The following GHR variants were observed in gnomAD, a reference collection of about 807,000 sequenced individuals.
The protein encoded by GHR is growth hormone receptor.
In GHR, 35 loss-of-function variants were observed where a neutral mutation model predicts 67.1. The ratio of observed to expected loss-of-function variants is 0.52; its 90% confidence interval spans 0.40 to 0.69. The LOEUF is 0.69. Ranked by LOEUF, GHR falls within the 30% of genes least tolerant of loss-of-function variation. The probability of loss-of-function intolerance (pLI) is 0.00; values close to 1 mark genes in which losing one functional copy is unlikely to be tolerated. For synonymous variants in GHR, 272 were observed against 269.1 expected (o/e 1.01, Z -0.10); for missense variants, 792 against 764.6 (o/e 1.04, Z -0.42).
chr5:42,594,982 A>G lies in GHR; in HGVS notation c.70+29038A>G, dbSNP rs1751990525. On this transcript the variant is annotated intron_variant, in intron 2 of 9. Coordinates refer to ENST00000230882, the MANE Select transcript of GHR (RefSeq NM_000163.5). ...AATAGTTTAACTTTGTGAGCTCACC[A>G]ATATAATACATATTCATGACACAGT... 4.6e-5 allele frequency among the ~76,000 whole-genome samples: 7 copies of G among 152,152 alleles called. 1 individual carries two copies. The South Asian group carries it at 1.4e-3, about 32-fold the overall frequency.
chr5:42,702,688 C>T (rs1309981808), intron 6 of GHR, among the ~76,000 whole-genome samples: 1 of 151,952 alleles, frequency 6.6e-6, no homozygotes, highest in African/African-American at 2.4e-5. Context: ...CCCTTTTGTC[C>T]ACATTCTCAC....
At chr5:42,638,182 G>GAC (rs1554030244) in intron 3 of GHR, among the ~76,000 whole-genome samples, 9 of 151,816 alleles carry the variant, frequency 5.9e-5, no homozygotes, top group African/African-American at 1.9e-4. Flanking sequence ...CTCGTGATCT[G>GAC]CCCCCCTCAG....
At position 42,558,712 on chromosome 5, in the gene GHR, G is replaced by T. The variant is rs141401969; in HGVS notation, c.-11-7152G>T. Among the ~76,000 whole-genome samples, 575 of 152,264 alleles carry T rather than the reference G, an allele frequency of 3.8e-3. 4 individuals carry two copies. Among genetic ancestry groups the T allele is most frequent in the African/African-American group, 0.013 (551 of 41,552 alleles). On this transcript the variant is annotated intron_variant, in intron 1 of 9. Coordinates refer to ENST00000230882, the MANE Select transcript of GHR (RefSeq NM_000163.5). The stretch of plus-strand genomic sequence containing the variant: ...CCCATATAGCCTAGGTGTGTAGTAG[G>T]CTATACCATCTAGGTTTGTGTAAAT...
chr5:42,591,636 A>T (rs954302606), intron 2 of GHR, among the ~76,000 whole-genome samples: 3 of 151,760 alleles, frequency 2.0e-5, no homozygotes, highest in Non-Finnish European at 4.4e-5. Flanking sequence ...GTGAGGGTCT[A>T]CCTCCCCTGT....
intron 3 of GHR, among the ~76,000 whole-genome samples, chr5:42,658,511 A>T (rs1755382026): frequency 6.6e-6 from 1 of 152,250 alleles, no homozygotes; most frequent in South Asian, 2.1e-4. Context: ...GGTTAAAAAG[A>T]ACTTTTATCC....
At chr5:42,673,304 G>A (rs563945058) in intron 3 of GHR, among the ~76,000 whole-genome samples, 1 of 152,324 alleles carries the variant, frequency 6.6e-6, no homozygotes, top group Admixed American at 6.5e-5. Flanking sequence ...CTCATACACG[G>A]TTGCTGGGAA....
At chr5:42,704,040 T>C (rs1397504057) in intron 6 of GHR, among the ~76,000 whole-genome samples, 1 of 151,984 alleles carries the variant, frequency 6.6e-6, no homozygotes, top group Non-Finnish European at 1.5e-5. Flanking sequence ...TATTTCTCTC[T>C]TTTGCTTAAT....
Position 42,711,241 on chromosome 5 carries a change from A to G in GHR, c.653A>G (p.Tyr218Cys), listed in dbSNP as rs762344584. ...ATATTGACAACATCAGTTCCAGTGT[A>G]CTCATTGAAAGTGGATAAGGAATAT... ...DPILTTSVPV[Y>C]SLKVDKEYEV... Residue 218 changes from tyrosine to cysteine, a missense_variant, in exon 7 of 10, where the codon TAC becomes TGC. Transcript: ENST00000230882. The G allele has an allele frequency of 6.2e-7, 1 of 1,613,294 alleles. No individual in the cohort carries two copies. The highest frequency in any genetic ancestry group is 8.5e-7 in the Non-Finnish European group (1 of 1,179,266).
chr5:42,651,014 A>G (rs1754996352), intron 3 of GHR, among the ~76,000 whole-genome samples: 1 of 152,184 alleles, frequency 6.6e-6, no homozygotes, highest in Non-Finnish European at 1.5e-5. Context: ...TGAATAGGGA[A>G]AAGAGATAAT....
intron 3 of GHR, among the ~76,000 whole-genome samples, chr5:42,641,998 A>G (rs1754499996): frequency 6.6e-6 from 1 of 152,162 alleles, no homozygotes; most frequent in Non-Finnish European, 1.5e-5. Flanking sequence ...GTACACCAAA[A>G]AGATACCTAA....
At chr5:42,476,029 C>T (rs1284743487) in intron 1 of GHR, among the ~76,000 whole-genome samples, 1 of 151,794 alleles carries the variant, frequency 6.6e-6, no homozygotes, top group Non-Finnish European at 1.5e-5. Flanking sequence ...CTCAGCCTCC[C>T]GAGTAGCTGG....
intron 3 of GHR, among the ~76,000 whole-genome samples, chr5:42,635,009 A>AAC (rs1474364748): frequency 6.7e-6 from 1 of 149,050 alleles, no homozygotes; most frequent in African/African-American, 2.5e-5. Flanking sequence ...ACCAAAAACA[A>AAC]AAAAAAAAAA....
At chr5:42,512,098 A>T (rs904455542) in intron 1 of GHR, among the ~76,000 whole-genome samples, 1 of 152,106 alleles carries the variant, frequency 6.6e-6, no homozygotes, top group African/African-American at 2.4e-5. Context: ...TGGTCAAAAA[A>T]TAGGACATTC....
chr5:42,492,221 A>G (rs1200564092), intron 1 of GHR, among the ~76,000 whole-genome samples: 2 of 152,220 alleles, frequency 1.3e-5, no homozygotes, highest in African/African-American at 4.8e-5. Context: ...GATCTGGCAA[A>G]AGGCTGAATT....
intron 6 of GHR, among the ~76,000 whole-genome samples, chr5:42,708,126 T>C (rs1016582433): frequency 6.6e-6 from 1 of 152,260 alleles, no homozygotes; most frequent in African/African-American, 2.4e-5. Context: ...AAAAAGTTCA[T>C]CAGTAGAGTT....
At chr5:42,665,514 C>G (rs1755912701) in intron 3 of GHR, among the ~76,000 whole-genome samples, 1 of 151,832 alleles carries the variant, frequency 6.6e-6, no homozygotes, top group African/African-American at 2.4e-5. Flanking sequence ...CCAAACACCG[C>G]ATATTCTCAC....
chr5:42,675,419 A>T (rs1377775272), intron 3 of GHR, among the ~76,000 whole-genome samples: 1 of 152,180 alleles, frequency 6.6e-6, no homozygotes, highest in African/African-American at 2.4e-5. Flanking sequence ...AAAAGAATTA[A>T]TGGATAAAGA....
intron 1 of GHR, among the ~76,000 whole-genome samples, chr5:42,508,428 C>T (rs536646868): frequency 6.6e-6 from 1 of 152,328 alleles, no homozygotes; most frequent in South Asian, 2.1e-4. Flanking sequence ...GACCCACACT[C>T]TTGCCAGCCT....
In GHR at chr5:42,424,945, G is replaced by A. The variant is rs1180253331; in HGVS notation, c.-12+990G>A. 11 of 965,730 alleles carry A rather than the reference G, an allele frequency of 1.1e-5. No homozygotes were observed. Among genetic ancestry groups the A allele is most frequent in the Non-Finnish European group, 1.2e-5 (10 of 811,952 alleles). 59.8% of individuals were successfully genotyped at this position (965,730 alleles called of 1,614,324 possible). On this transcript the variant is annotated intron_variant, in intron 1 of 9. Transcript: ENST00000230882. The surrounding 1 kb of genome is among the most constrained non-coding windows in gnomAD (Gnocchi z 4.1). Reference sequence around the variant, plus strand: ...TGTGCGCCTGGGGAGGCGTGTCGGCGCCTGAGCCAGTAGGGTGTGCAGGGT... The same window carrying A: ...TGTGCGCCTGGGGAGGCGTGTCGGCACCTGAGCCAGTAGGGTGTGCAGGGT...
Sources: gnomAD v4.1 joint callset for allele counts (sites outside exome capture counted in the v4.1 genomes callset) on GRCh38, gnomAD v4.1.1 for gene constraint, Gnocchi (gnomAD v3.1) non-coding constraint, MANE v1.5 for transcripts, NCBI Gene and HGNC (gene_info 2026-07-23, HGNC 2026-07-21) for gene names.